Variants in KHDRBS2 observed in about 807,000 individuals in gnomAD.
The protein encoded by KHDRBS2 is KH domain-containing, RNA-binding, signal transduction-associated protein 2.
A neutral mutation model predicts 44.3 loss-of-function variants in KHDRBS2; 26 were observed. The ratio of observed to expected loss-of-function variants is 0.59; its 90% CI spans 0.43 to 0.81. The LOEUF (loss-of-function observed/expected upper bound fraction) is 0.81. Among genes scored for constraint, KHDRBS2 ranks in the 40% least tolerant of loss-of-function variants. The pLI is 0.00. For synonymous variants in KHDRBS2, 194 were observed against 151.1 expected (o/e 1.28, Z -2.08); for missense variants, 476 against 433.1 (o/e 1.10, Z -0.88).
chr6:62,222,553 C>T (rs1240919271), intron 1 of KHDRBS2, among the ~76,000 whole-genome samples: 2 of 152,104 alleles, frequency 1.3e-5, no homozygotes, highest in Non-Finnish European at 2.9e-5. Context: ...CCCACCAGGT[C>T]CCTCAAACAA....
At chr6:61,794,864 C>A (rs1202980627) in intron 6 of KHDRBS2, among the ~76,000 whole-genome samples, 1 of 151,936 alleles carries the variant, frequency 6.6e-6, no homozygotes, top group Non-Finnish European at 1.5e-5. Context: ...TCAGGCCGGG[C>A]GCAGTGGCTA....
intron 1 of KHDRBS2, among the ~76,000 whole-genome samples, chr6:62,264,741 T>C (rs999918663): frequency 2.0e-5 from 3 of 151,786 alleles, no homozygotes; most frequent in African/African-American, 7.2e-5. Flanking sequence ...GAAATACATA[T>C]TTTGAATCAT....
chr6:62,228,470 A>G (rs2150157290), intron 1 of KHDRBS2, among the ~76,000 whole-genome samples: 3 of 152,150 alleles, frequency 2.0e-5, no homozygotes, highest in Admixed American at 2.0e-4. Context: ...ATTTTTTCAA[A>G]AAACCAGCCC....
chr6:61,983,200 T>TTTTCTTTCTTTTC (rs553232983), intron 3 of KHDRBS2, among the ~76,000 whole-genome samples: 3,658 of 45,874 alleles, frequency 0.08, 349 homozygotes, highest in Admixed American at 0.11. Flanking sequence ...GTTTTTTTCA[T>TTTTCTTTCTTTTC]TTTCTTTCTT....
intron 6 of KHDRBS2, among the ~76,000 whole-genome samples, chr6:61,840,335 C>A (rs1213444439): frequency 2.0e-5 from 3 of 152,056 alleles, no homozygotes; most frequent in African/African-American, 7.2e-5. Context: ...CATCTCAGTT[C>A]ATATATTTCA....
At chr6:62,140,433 C>T (rs1189518152) in intron 2 of KHDRBS2, among the ~76,000 whole-genome samples, 1 of 152,074 alleles carries the variant, frequency 6.6e-6, no homozygotes, top group East Asian at 1.9e-4. Context: ...CAGGGACAGT[C>T]GGGAGACTTT....
At chr6:61,782,716 T>TACACACAC in intron 6 of KHDRBS2, among the ~76,000 whole-genome samples, 1 of 123,744 alleles carries the variant, frequency 8.1e-6, no homozygotes, top group South Asian at 2.3e-4. Context: ...TATATATATA[T>TACACACAC]ATATATATAT....
At chr6:62,012,595 G>A (rs755299376) in intron 3 of KHDRBS2, among the ~76,000 whole-genome samples, 26 of 152,042 alleles carry the variant, frequency 1.7e-4, no homozygotes, top group Non-Finnish European at 3.2e-4. Flanking sequence ...AGGAAACTTA[G>A]TTAAAGTCCT....
chr6:61,956,216 C>T (rs963494737), intron 4 of KHDRBS2, among the ~76,000 whole-genome samples: 5 of 151,684 alleles, frequency 3.3e-5, no homozygotes, highest in Non-Finnish European at 7.4e-5. Flanking sequence ...AACAAAAAAA[C>T]AGACACTCTT....
intron 2 of KHDRBS2, among the ~76,000 whole-genome samples, chr6:62,128,242 G>A (rs1469225215): frequency 6.6e-6 from 1 of 152,076 alleles, no homozygotes; most frequent in Non-Finnish European, 1.5e-5. Flanking sequence ...ATGGGCCTAT[G>A]ACTCTGGGCT....
chr6:62,091,372 C>T (rs192648315), intron 2 of KHDRBS2, among the ~76,000 whole-genome samples: 1 of 152,204 alleles, frequency 6.6e-6, no homozygotes. Context: ...TTTAATTACT[C>T]TGTTGCTATT....
At chr6:62,217,412 T>C (rs1308418548) in intron 1 of KHDRBS2, among the ~76,000 whole-genome samples, 3 of 151,944 alleles carry the variant, frequency 2.0e-5, no homozygotes, top group Admixed American at 1.3e-4. Flanking sequence ...TAAACATATA[T>C]AATTTATTTA....
chr6:62,230,024 T>A (rs1410362420), intron 1 of KHDRBS2, among the ~76,000 whole-genome samples: 1 of 152,204 alleles, frequency 6.6e-6, no homozygotes, highest in Non-Finnish European at 1.5e-5. Flanking sequence ...GGACATTCTC[T>A]TTTTGTGTCT....
At chr6:61,695,564 T>C (rs1417488620) in intron 8 of KHDRBS2, among the ~76,000 whole-genome samples, 1 of 152,124 alleles carries the variant, frequency 6.6e-6, no homozygotes, top group Admixed American at 6.5e-5. Flanking sequence ...TAATAGTATT[T>C]CAACCACCGA....
At chr6:61,709,427 A>G (rs903537877) in intron 7 of KHDRBS2, among the ~76,000 whole-genome samples, 2 of 151,612 alleles carry the variant, frequency 1.3e-5, no homozygotes, top group Admixed American at 1.3e-4. Context: ...TTTATAAAAA[A>G]TGGGTATTTT....
At chr6:62,151,599 A>T (rs1006084098) in intron 2 of KHDRBS2, among the ~76,000 whole-genome samples, 3 of 152,172 alleles carry the variant, frequency 2.0e-5, no homozygotes, top group African/African-American at 7.2e-5. Context: ...AATGGCACCC[A>T]TCTTGGAGAT....
chr6:61,741,147 T>G (rs1326676256), intron 6 of KHDRBS2, among the ~76,000 whole-genome samples: 1 of 151,874 alleles, frequency 6.6e-6, no homozygotes, highest in East Asian at 1.9e-4. Context: ...GTTTTTTGTT[T>G]TTTTGTTTTT....
intron 6 of KHDRBS2, among the ~76,000 whole-genome samples, chr6:61,810,706 C>A (rs1404845405): frequency 1.3e-5 from 2 of 151,798 alleles, no homozygotes; most frequent in East Asian, 3.9e-4. Flanking sequence ...ACTTCAGGTA[C>A]AAAACTCTTA....
chr6:61,801,287 AG>A (rs1247346319), intron 6 of KHDRBS2, among the ~76,000 whole-genome samples: 1 of 152,116 alleles, frequency 6.6e-6, no homozygotes, highest in Non-Finnish European at 1.5e-5. Context: ...TCTATCCTTA[AG>A]GAGTCTAAAT....
Sources: gnomAD v4.1 joint callset for allele counts (sites outside exome capture counted in the v4.1 genomes callset) on GRCh38, gnomAD v4.1.1 for gene constraint, MANE v1.5 for transcripts, NCBI Gene and HGNC (gene_info 2026-07-23, HGNC 2026-07-21) for gene names.